Variants in LDLRAD4 observed in about 807,000 individuals in gnomAD.
LDLRAD4 encodes low density lipoprotein receptor class A domain containing 4, also known as low-density lipoprotein receptor class A domain-containing protein 4.
Under a neutral mutation model 17.0 loss-of-function variants are expected in LDLRAD4, and 5 were observed. The observed-to-expected ratio is 0.29, with a 90% confidence interval of 0.15 to 0.62. The LOEUF (loss-of-function observed/expected upper bound fraction) is 0.62, where lower values mean the gene tolerates loss of function less well. Among genes scored for constraint, LDLRAD4 ranks in the 20% least tolerant of loss-of-function variants. LDLRAD4 has a pLI of 0.84. For missense variants in LDLRAD4, 340 were observed against 424.7 expected, an observed-to-expected ratio of 0.80 and a Z score of 1.75; for synonymous variants, 168 against 171.8, an observed-to-expected ratio of 0.98 and a Z score of 0.17.
At chr18:13,614,513 A>G (rs2039901524) in intron 3 of LDLRAD4, 1 of 152,232 alleles carries the variant, frequency 6.6e-6, no homozygotes, top group African/African-American at 2.4e-5. Flanking sequence ...TTCAAAATAT[A>G]TAATGTAATC....
chr18:13,303,279 C>A lies in LDLRAD4; in HGVS notation c.-383+25091C>A, dbSNP rs564332945. Among the ~76,000 whole-genome samples the A allele has an allele frequency of 3.9e-5, 6 of 152,318 alleles. No individual in the cohort carries two copies. In the South Asian group the frequency reaches 1.2e-3, roughly 32 times the overall value. On this transcript the variant is annotated intron_variant, in intron 1 of 5. Transcript: ENST00000359446. ...TTTTTTCCCTAGAGGCAGGGTCTCA[C>A]TCTGATGCCCAGGCTGAAGTGCAGT...
intron 2 of LDLRAD4, among the ~76,000 whole-genome samples, chr18:13,431,599 T>C (rs1388503423): frequency 1.3e-5 from 2 of 152,228 alleles, no homozygotes; most frequent in Non-Finnish European, 1.5e-5. Context: ...GTTTCACTTA[T>C]GGTTCTCATA....
chr18:13,469,667 A>G (rs1163458980), intron 3 of LDLRAD4, among the ~76,000 whole-genome samples: 1 of 152,274 alleles, frequency 6.6e-6, no homozygotes, highest in Non-Finnish European at 1.5e-5. Flanking sequence ...AATATCTAGC[A>G]TACACAAGGT....
At chr18:13,366,704 G>T (rs942116969) in intron 1 of LDLRAD4, among the ~76,000 whole-genome samples, 1 of 152,098 alleles carries the variant, frequency 6.6e-6, no homozygotes, top group Non-Finnish European at 1.5e-5. Context: ...GAAGTCATTC[G>T]GGGGTGGAGG....
intron 3 of LDLRAD4, among the ~76,000 whole-genome samples, chr18:13,618,896 G>A (rs1047196023): frequency 3.3e-5 from 5 of 152,218 alleles, no homozygotes; most frequent in African/African-American, 9.6e-5. Context: ...TGTCCTGAGC[G>A]GAGTCTCTCT....
intron 1 of LDLRAD4, among the ~76,000 whole-genome samples, chr18:13,333,120 G>T (rs180741512): frequency 6.6e-6 from 1 of 152,128 alleles, no homozygotes; most frequent in Non-Finnish European, 1.5e-5. Context: ...TAATAGGTGC[G>T]TAGTGGTATT....
At chr18:13,584,558 T>G (rs1041655893) in intron 3 of LDLRAD4, among the ~76,000 whole-genome samples, 1 of 152,108 alleles carries the variant, frequency 6.6e-6, no homozygotes, top group Non-Finnish European at 1.5e-5. Flanking sequence ...CCAGGAAGAC[T>G]TAGCCAATGG....
At chr18:13,389,795 C>G (rs2086128313) in intron 2 of LDLRAD4, among the ~76,000 whole-genome samples, 1 of 151,994 alleles carries the variant, frequency 6.6e-6, no homozygotes, top group Non-Finnish European at 1.5e-5. Context: ...AAGGGAAAGG[C>G]CAAACTGAGG....
At chr18:13,568,305 A>G (rs887484343) in intron 3 of LDLRAD4, among the ~76,000 whole-genome samples, 7 of 151,840 alleles carry the variant, frequency 4.6e-5, no homozygotes, top group East Asian at 1.9e-4. Context: ...AAAAAAAAAA[A>G]AAAGAAAAAA....
At chr18:13,449,376 G>T (rs910846346) in intron 3 of LDLRAD4, among the ~76,000 whole-genome samples, 1 of 152,236 alleles carries the variant, frequency 6.6e-6, no homozygotes, top group East Asian at 1.9e-4. Flanking sequence ...GGGCTGGGCT[G>T]TGGGCATCAG....
At chr18:13,273,992 C>G (rs1434141662), upstream of LDLRAD4, among the ~76,000 whole-genome samples, 1 of 152,130 alleles carries the variant, frequency 6.6e-6, no homozygotes, top group Non-Finnish European at 1.5e-5. Context: ...TGTTGGAAAC[C>G]CACGTGTGGA....
At chr18:13,246,233 C>A (rs116432718) in intron 1 of LDLRAD4, among the ~76,000 whole-genome samples, 3 of 152,216 alleles carry the variant, frequency 2.0e-5, no homozygotes, top group Non-Finnish European at 4.4e-5. Context: ...GGGTGGTCTG[C>A]GGCCATCACT....
intron 3 of LDLRAD4, among the ~76,000 whole-genome samples, chr18:13,446,427 G>A (rs2091409327): frequency 6.6e-6 from 1 of 152,160 alleles, no homozygotes; most frequent in Non-Finnish European, 1.5e-5. Context: ...GGGCCACAGA[G>A]GATGATTGTT....
intron 3 of LDLRAD4, among the ~76,000 whole-genome samples, chr18:13,458,981 G>C (rs80018649): frequency 6.6e-6 from 1 of 152,136 alleles, no homozygotes; most frequent in Non-Finnish European, 1.5e-5. Context: ...AGTGAAATTA[G>C]TTTTGGATTC....
chr18:13,228,492 TC>T (rs1279155238), intron 1 of LDLRAD4, among the ~76,000 whole-genome samples: 5 of 152,186 alleles, frequency 3.3e-5, no homozygotes, highest in African/African-American at 1.2e-4. Flanking sequence ...TGCAACACAG[TC>T]CCTGCTTTCC....
At chr18:13,332,789 C>G (rs2081933479) in intron 1 of LDLRAD4, among the ~76,000 whole-genome samples, 1 of 149,760 alleles carries the variant, frequency 6.7e-6, no homozygotes, top group Non-Finnish European at 1.5e-5. Context: ...TCTGGATGTA[C>G]CATGGTTTGT....
chr18:13,287,145 C>A (rs1422090874), intron 1 of LDLRAD4, among the ~76,000 whole-genome samples: 3 of 151,770 alleles, frequency 2.0e-5, no homozygotes, highest in Non-Finnish European at 4.4e-5. Context: ...CAGCACAATC[C>A]CCACCAGGAC....
exon 6 of LDLRAD4, chr18:13,650,138 A>G: frequency 2.5e-6 from 1 of 398,830 alleles, no homozygotes; most frequent in Admixed American, 4.4e-5. Context: ...TTAGCCTTGC[A>G]GTGGTCTACA....
At chr18:13,578,605 A>G (rs980914130) in intron 3 of LDLRAD4, among the ~76,000 whole-genome samples, 1 of 152,200 alleles carries the variant, frequency 6.6e-6, no homozygotes, top group Non-Finnish European at 1.5e-5. Context: ...ACCTGGGAGA[A>G]GTGACAGTGG....
Sources: allele counts gnomAD v4.1 joint callset (sites outside exome capture counted in the v4.1 genomes callset), GRCh38; gene constraint gnomAD v4.1.1; transcripts MANE v1.5; gene names NCBI Gene and HGNC (gene_info 2026-07-23, HGNC 2026-07-21).